ARHGAP18: variants seen among roughly 807,000 people sequenced by gnomAD.
The protein encoded by ARHGAP18 is Rho GTPase activating protein 18.
In ARHGAP18, 67 loss-of-function variants were observed where a neutral mutation model predicts 86.2. The observed-to-expected ratio is 0.78, with a 90% confidence interval of 0.64 to 0.95. The LOEUF (loss-of-function observed/expected upper bound fraction) is 0.95, where lower values mean the gene tolerates loss of function less well. Among genes scored for constraint, ARHGAP18 ranks in the 40% least tolerant of loss-of-function variants. The pLI, the probability that ARHGAP18 is intolerant of heterozygous loss-of-function variation, is 0.00. For missense variants in ARHGAP18, 691 were observed against 780.4 expected (o/e 0.89, Z 1.37); for synonymous variants, 283 against 280.4 (o/e 1.01, Z -0.09).
intron 5 of ARHGAP18, among the ~76,000 whole-genome samples, chr6:129,628,640 C>G (rs931321290): frequency 6.6e-6 from 1 of 152,156 alleles, no homozygotes; most frequent in Admixed American, 6.6e-5. Context: ...TAAACATCCT[C>G]CATGCAGTAA....
rs183698617 is a variant in ARHGAP18 at position 129,636,771 on chromosome 6, C to T, written c.552+1623G>A. 1.8e-3 allele frequency among the ~76,000 whole-genome samples: 272 copies of T among 152,202 alleles called. 2 individuals carry two copies. Among genetic ancestry groups the T allele is most frequent in the African/African-American group, 6.3e-3 (262 of 41,538 alleles). Reference sequence around the variant, plus strand: ...CGTGCGCCTGTAGTCCCAGCTACTCCGAGGCTGAGGCAGGAGAATTGCTTG... The same window carrying T: ...CGTGCGCCTGTAGTCCCAGCTACTCTGAGGCTGAGGCAGGAGAATTGCTTG... On this transcript the variant is annotated intron_variant, in intron 3 of 14. Coordinates refer to ENST00000368149, the MANE Select transcript of ARHGAP18 (RefSeq NM_033515.3).
chr6:129,701,790 C>T (rs1774715600), intron 1 of ARHGAP18, among the ~76,000 whole-genome samples: 1 of 151,812 alleles, frequency 6.6e-6, no homozygotes, highest in Non-Finnish European at 1.5e-5. Context: ...AAACAAAAAA[C>T]AAAAAACTGA....
intron 1 of ARHGAP18, among the ~76,000 whole-genome samples, chr6:129,681,258 G>A (rs1169713816): frequency 6.6e-6 from 1 of 152,038 alleles, no homozygotes; most frequent in African/African-American, 2.4e-5. Context: ...TTGTATTTTT[G>A]GTAGAGACAG....
At chr6:129,633,717 T>C (rs1334956605) in intron 4 of ARHGAP18, among the ~76,000 whole-genome samples, 1 of 152,182 alleles carries the variant, frequency 6.6e-6, no homozygotes, top group East Asian at 1.9e-4. Flanking sequence ...TTCACTCATC[T>C]GTAAAATGGG....
At chr6:129,608,401 G>T (rs9375637) in intron 8 of ARHGAP18, among the ~76,000 whole-genome samples, 3 of 151,530 alleles carry the variant, frequency 2.0e-5, no homozygotes, top group Non-Finnish European at 2.9e-5. Context: ...ATAAATCTTC[G>T]TTAAATTAAG....
At chr6:129,699,820 T>C (rs1390358396) in intron 1 of ARHGAP18, among the ~76,000 whole-genome samples, 2 of 152,206 alleles carry the variant, frequency 1.3e-5, no homozygotes, top group Non-Finnish European at 2.9e-5. Context: ...GAGCCTTTTG[T>C]AAGCAGGAAC....
At chr6:129,684,324 A>C (rs570954777) in intron 1 of ARHGAP18, among the ~76,000 whole-genome samples, 1 of 152,218 alleles carries the variant, frequency 6.6e-6, no homozygotes, top group East Asian at 1.9e-4. Context: ...AGAGCAACAG[A>C]TTAACTACAC....
chr6:129,630,504 C>T (rs183027574), intron 4 of ARHGAP18, among the ~76,000 whole-genome samples: 107 of 152,056 alleles, frequency 7.0e-4, no homozygotes, highest in African/African-American at 2.4e-3. Flanking sequence ...GGCTCACATA[C>T]GAACACAACA....
intron 1 of ARHGAP18, 39 bp downstream of exon 1, chr6:129,709,985 A>C: frequency 6.7e-7 from 1 of 1,502,536 alleles, no homozygotes; most frequent in Non-Finnish European, 9.3e-7. Flanking sequence ...TGGAGCAGGT[A>C]AGAGGGTTTT....
intron 1 of ARHGAP18, among the ~76,000 whole-genome samples, chr6:129,672,367 C>T (rs1774156325): frequency 6.6e-6 from 1 of 152,204 alleles, no homozygotes. Context: ...CAGTTCCATC[C>T]CTTTATGTCA....
At chr6:129,591,747 A>G (rs1325385606) in intron 12 of ARHGAP18, among the ~76,000 whole-genome samples, 1 of 152,136 alleles carries the variant, frequency 6.6e-6, no homozygotes, top group Non-Finnish European at 1.5e-5. Context: ...GACATTTTTT[A>G]TGCTACAGAA....
At chr6:129,583,962 A>G (rs370211642) in intron 13 of ARHGAP18, 26 bp downstream of exon 13, 25 of 1,609,296 alleles carry the variant, frequency 1.6e-5, no homozygotes, top group Non-Finnish European at 2.0e-5. Flanking sequence ...ATGCCATGGC[A>G]TAATTAACAC....
Position 129,588,115 on chromosome 6 carries a change from C to T in ARHGAP18, c.1714-4003G>A, listed in dbSNP as rs190921267. Among the ~76,000 whole-genome samples the T allele has an allele frequency of 4.2e-4, 57 of 135,972 alleles. 1 individual carries two copies. Among genetic ancestry groups the T allele is most frequent in the Admixed American group, 2.3e-3 (29 of 12,426 alleles). 89.2% of individuals were successfully genotyped at this position (135,972 alleles called of 152,430 possible). On this transcript the variant is annotated intron_variant, in intron 12 of 14. Coordinates refer to ENST00000368149, the MANE Select transcript of ARHGAP18 (RefSeq NM_033515.3). Reference sequence around the variant, plus strand: ...AGTCCGAAATCCAACAGGGAAGTCACCAAATCTTTTTTTTTTTTTTGCAAT... The same window carrying T: ...AGTCCGAAATCCAACAGGGAAGTCATCAAATCTTTTTTTTTTTTTTGCAAT...
intron 14 of ARHGAP18, among the ~76,000 whole-genome samples, chr6:129,578,924 A>G (rs1788233784): frequency 6.6e-6 from 1 of 152,124 alleles, no homozygotes; most frequent in Non-Finnish European, 1.5e-5. Context: ...AGATTGCGCC[A>G]CTGCACTTCA....
chr6:129,625,495 A>T (rs1192106632), intron 5 of ARHGAP18, among the ~76,000 whole-genome samples: 2 of 46,700 alleles, frequency 4.3e-5, no homozygotes, highest in African/African-American at 7.6e-5. Flanking sequence ...TATTATATAT[A>T]ATATATATTT....
intron 1 of ARHGAP18, among the ~76,000 whole-genome samples, chr6:129,649,828 T>C (rs569594863): frequency 1.3e-5 from 2 of 152,090 alleles, no homozygotes; most frequent in South Asian, 2.1e-4. Context: ...TAGAGAAATA[T>C]ATGACACAAC....
chr6:129,634,204 T>G, intron 3 of ARHGAP18, 99 bp from the exon 4 acceptor site: 2 of 987,718 alleles, frequency 2.0e-6, no homozygotes, highest in Non-Finnish European at 3.1e-6. Flanking sequence ...GTACAAGACA[T>G]GTACTCAGAA....
intron 12 of ARHGAP18, among the ~76,000 whole-genome samples, chr6:129,592,201 TG>T (rs772261653): frequency 5.9e-5 from 9 of 152,242 alleles, no homozygotes; most frequent in Admixed American, 5.2e-4. Context: ...ATTTTCCACT[TG>T]GGTCCCCAAG....
At chr6:129,612,391 A>G (rs923783309) in intron 7 of ARHGAP18, among the ~76,000 whole-genome samples, 1 of 152,220 alleles carries the variant, frequency 6.6e-6, no homozygotes, top group Non-Finnish European at 1.5e-5. Flanking sequence ...CTCAGTTTGA[A>G]TATAAGGCAT....
Sources: gnomAD v4.1 joint callset for allele counts (sites outside exome capture counted in the v4.1 genomes callset) on GRCh38, gnomAD v4.1.1 for gene constraint, MANE v1.5 for transcripts, NCBI Gene and HGNC (gene_info 2026-07-23, HGNC 2026-07-21) for gene names.